Variants in TMEM236 observed in about 807,000 individuals in gnomAD.
TMEM236 encodes family with sequence similarity 23, member A.
A neutral mutation model predicts 14.7 loss-of-function variants in TMEM236; 11 were observed. The ratio of observed to expected loss-of-function variants is 0.75; its 90% CI spans 0.47 to 1.24. The LOEUF is 1.24. TMEM236 is among the 50% of genes most tolerant of loss of function. The pLI is 0.00. For missense variants in TMEM236, 464 were observed against 427.3 expected, an observed-to-expected ratio of 1.09 and a Z score of -0.76; for synonymous variants, 182 against 168.6, an observed-to-expected ratio of 1.08 and a Z score of -0.62.
intron 1 of TMEM236, among the ~76,000 whole-genome samples, chr10:17,767,291 T>C (rs1450708147): frequency 6.6e-6 from 1 of 151,982 alleles, no homozygotes; most frequent in Non-Finnish European, 1.5e-5. Context: ...TGAAACCCCG[T>C]CTCTACTAAA....
chr10:17,779,017 T>C (rs934468946), intron 3 of TMEM236, among the ~76,000 whole-genome samples: 4 of 152,142 alleles, frequency 2.6e-5, no homozygotes, highest in Non-Finnish European at 4.4e-5. Flanking sequence ...CGCGTGGATC[T>C]CTGTAGCACG....
chr10:17,774,247 G>C (rs1399226410), intron 2 of TMEM236, among the ~76,000 whole-genome samples: 2 of 152,122 alleles, frequency 1.3e-5, no homozygotes, highest in East Asian at 3.9e-4. Flanking sequence ...GTTTCAACAT[G>C]TTGGCCAGGC....
chr10:17,773,466 C>A (rs1362635743), intron 2 of TMEM236, among the ~76,000 whole-genome samples: 3 of 152,088 alleles, frequency 2.0e-5, no homozygotes, highest in Non-Finnish European at 4.4e-5. Context: ...GGCTCCCCAT[C>A]AGCTGGGATT....
chr10:17,795,752 T>C (rs2436696), intron 3 of TMEM236, among the ~76,000 whole-genome samples, 169 bp from the exon 4 acceptor site: 116,240 of 152,148 alleles, frequency 0.76, 45,013 homozygotes, highest in African/African-American at 0.9. Context: ...CAAACCTGCA[T>C]GTCCTGCACA....
intron 1 of TMEM236, among the ~76,000 whole-genome samples, chr10:17,762,012 A>G (rs2131742620): frequency 6.6e-6 from 1 of 152,174 alleles, no homozygotes; most frequent in Middle Eastern, 3.4e-3. Flanking sequence ...TTCTTTCTCC[A>G]TGGCCAGGAG....
chr10:17,782,976 T>C (rs1837778144), intron 3 of TMEM236, among the ~76,000 whole-genome samples: 1 of 152,158 alleles, frequency 6.6e-6, no homozygotes, highest in South Asian at 2.1e-4. Flanking sequence ...GTGCTTGAGT[T>C]GGACAGGGCA....
chr10:17,752,632 T>G (rs1034822347), intron 1 of TMEM236, 80 bp downstream of exon 1: 2 of 1,438,278 alleles, frequency 1.4e-6, no homozygotes, highest in African/African-American at 2.8e-5. Context: ...AGTAGGGCAG[T>G]CTTGGCTCAC....
At chr10:17,782,943 A>G (rs1451414885) in intron 3 of TMEM236, among the ~76,000 whole-genome samples, 1 of 152,174 alleles carries the variant, frequency 6.6e-6, no homozygotes, top group African/African-American at 2.4e-5. Context: ...GGACAAGGAT[A>G]TGGTTAGAAT....
chr10:17,768,085 G>GTTTTTTTT lies in TMEM236; in HGVS notation c.258-3224_258-3223insTTTTTTTT, dbSNP rs1181734908. ...ACCACCACACCTCGCTAATTTTTGT[G>GTTTTTTTT]GTTTTTTTTTTTTTTTTTTTTTTGT... On this transcript the variant is annotated intron_variant, in intron 1 of 3. Transcript: ENST00000377495. 4.4e-4 allele frequency among the ~76,000 whole-genome samples: 43 copies of GTTTTTTTT among 98,822 alleles called. 5 individuals carry two copies. Among genetic ancestry groups the GTTTTTTTT allele is most frequent in the African/African-American group, 1.2e-3 (31 of 24,812 alleles). The allele number at this position is 98,822 out of a possible 152,430, so 64.8% of individuals were successfully genotyped here. A position where few individuals can be genotyped will look rare whatever the true frequency, so the allele number is the denominator to read the frequency against.
At chr10:17,768,085 GGTTTTTTT>G (rs1837500228) in intron 1 of TMEM236, among the ~76,000 whole-genome samples, 1 of 98,830 alleles carries the variant, frequency 1.0e-5, no homozygotes. Context: ...TAATTTTTGT[GGTTTTTTT>G]TTTTTTTTTT....
intron 3 of TMEM236, among the ~76,000 whole-genome samples, chr10:17,780,576 A>T (rs1401021481): frequency 1.1e-4 from 16 of 152,270 alleles, no homozygotes; most frequent in African/African-American, 3.8e-4. Flanking sequence ...AGGAGTTTGT[A>T]GGTAGACATG....
intron 1 of TMEM236, among the ~76,000 whole-genome samples, chr10:17,755,988 C>T (rs1837278939): frequency 6.6e-6 from 1 of 152,164 alleles, no homozygotes; most frequent in South Asian, 2.1e-4. Flanking sequence ...CTTCATAGGC[C>T]AGGCACAGTG....
At chr10:17,773,333 G>A (rs1035467847) in intron 2 of TMEM236, among the ~76,000 whole-genome samples, 5 of 152,172 alleles carry the variant, frequency 3.3e-5, no homozygotes, top group South Asian at 4.2e-4. Context: ...CAGCGCTTGC[G>A]TTGTTTCTTA....
chr10:17,754,055 G>A (rs1837247927), intron 1 of TMEM236, among the ~76,000 whole-genome samples: 1 of 152,154 alleles, frequency 6.6e-6, no homozygotes, highest in African/African-American at 2.4e-5. Context: ...CATGAGATGG[G>A]TTAGTAAGAC....
intron 3 of TMEM236, among the ~76,000 whole-genome samples, chr10:17,789,000 GGAAGT>G (rs1837880509): frequency 6.6e-6 from 1 of 152,160 alleles, no homozygotes; most frequent in Non-Finnish European, 1.5e-5. Flanking sequence ...TGAGGAGTGG[GGAAGT>G]CCTGATTTGT....
At chr10:17,752,624 T>C in intron 1 of TMEM236, 72 bp downstream of exon 1, 13 of 1,493,182 alleles carry the variant, frequency 8.7e-6, no homozygotes, top group Admixed American at 1.7e-5. Context: ...TGGAGTGCAG[T>C]AGGGCAGTCT....
intron 1 of TMEM236, among the ~76,000 whole-genome samples, chr10:17,757,010 C>CGGTGTTGCTGGCCACACGTGTTT (rs1837293802): frequency 6.6e-6 from 1 of 152,128 alleles, no homozygotes; most frequent in Non-Finnish European, 1.5e-5. Context: ...TCTGTTTTGC[C>CGGTGTTGCTGGCCACACGTGTTT]GGTGTTGCTG....
intron 3 of TMEM236, among the ~76,000 whole-genome samples, chr10:17,781,618 C>T (rs1050094838): frequency 1.1e-4 from 16 of 151,732 alleles, no homozygotes; most frequent in South Asian, 2.1e-4. Flanking sequence ...TGGTGGCATG[C>T]GCCTGTAATA....
chr10:17,757,854 C>T (rs1038319806), intron 1 of TMEM236, among the ~76,000 whole-genome samples: 5 of 152,050 alleles, frequency 3.3e-5, no homozygotes, highest in Admixed American at 2.6e-4. Context: ...CTGCAACCTC[C>T]ACCTCTGGGG....
Sources: gnomAD v4.1 joint callset for allele counts (sites outside exome capture counted in the v4.1 genomes callset) on GRCh38, gnomAD v4.1.1 for gene constraint, MANE v1.5 for transcripts, NCBI Gene and HGNC (gene_info 2026-07-23, HGNC 2026-07-21) for gene names.